The following LAMB4 variants were observed in gnomAD, a reference collection of about 807,000 sequenced individuals.
LAMB4 encodes the protein laminin subunit beta 4.
A neutral mutation model predicts 199.2 loss-of-function variants in LAMB4; 196 were observed. The observed-to-expected ratio is 0.98, with a 90% CI of 0.88 to 1.11. LAMB4 has a LOEUF of 1.11. Ranked by LOEUF, LAMB4 falls within the 50% of genes least tolerant of loss-of-function variation. The pLI, the probability that LAMB4 is intolerant of heterozygous loss-of-function variation, is 0.00. For missense variants in LAMB4, 2,080 were observed against 2,171.2 expected, an observed-to-expected ratio of 0.96 and a Z score of 0.83; for synonymous variants, 744 against 770.6, an observed-to-expected ratio of 0.97 and a Z score of 0.57.
intron 2 of LAMB4, 45 bp downstream of exon 2, chr7:108,123,086 T>C: frequency 6.5e-7 from 1 of 1,546,114 alleles, no homozygotes; most frequent in South Asian, 1.2e-5. Context: ...TTAAATATTT[T>C]AGGACAGCGC....
intron 11 of LAMB4, among the ~76,000 whole-genome samples, chr7:108,096,398 C>T (rs1003544290): frequency 2.6e-5 from 4 of 152,202 alleles, no homozygotes; most frequent in African/African-American, 9.7e-5. Context: ...TGTTTACCCA[C>T]TCATCCATCA....
intron 5 of LAMB4, among the ~76,000 whole-genome samples, chr7:108,108,204 T>C (rs998804409): frequency 6.6e-6 from 1 of 152,194 alleles, no homozygotes; most frequent in South Asian, 2.1e-4. Context: ...GCTGGGATTA[T>C]AGGTGTGAGT....
intron 28 of LAMB4, among the ~76,000 whole-genome samples, chr7:108,046,283 G>T (rs2035621476): frequency 6.7e-6 from 1 of 149,532 alleles, no homozygotes; most frequent in Admixed American, 6.7e-5. Flanking sequence ...TAGAGATGGG[G>T]TTTCACCATG....
At chr7:108,104,445 A>G (rs775562429) in intron 9 of LAMB4, 54 bp downstream of exon 9, 1 of 1,603,532 alleles carries the variant, frequency 6.2e-7, no homozygotes, top group Non-Finnish European at 8.5e-7. Flanking sequence ...GTGTTTCTTA[A>G]ATAAGGAAAT....
chr7:108,052,792 G>GT (rs1230180703), intron 25 of LAMB4, among the ~76,000 whole-genome samples: 2 of 152,198 alleles, frequency 1.3e-5, no homozygotes, highest in African/African-American at 4.8e-5. Context: ...GTTCCCCTGG[G>GT]TTTTTTTCCA....
chr7:108,028,039 C>T (rs1233514585), intron 33 of LAMB4, among the ~76,000 whole-genome samples: 1 of 152,230 alleles, frequency 6.6e-6, no homozygotes, highest in Non-Finnish European at 1.5e-5. Flanking sequence ...CTGCCTCAGC[C>T]TCCCAAAGTG....
intron 1 of LAMB4, among the ~76,000 whole-genome samples, chr7:108,127,376 CT>C (rs2038832006): frequency 6.6e-6 from 1 of 151,962 alleles, no homozygotes; most frequent in Admixed American, 6.6e-5. Context: ...TGAGGGTTAC[CT>C]TTGATTCCTC....
downstream of LAMB4, among the ~76,000 whole-genome samples, chr7:108,023,094 A>C (rs1016987921): frequency 6.6e-5 from 10 of 152,188 alleles, no homozygotes; most frequent in Non-Finnish European, 1.3e-4. Flanking sequence ...GATTATAGGC[A>C]TGAGTCACCA....
Position 108,024,197 on chromosome 7 carries a change from A to G in LAMB4, c.5147-19T>C, listed in dbSNP as rs974787433. 1 of 1,460,094 alleles carries G rather than the reference A, an allele frequency of 6.8e-7. No homozygotes were observed. The highest frequency in any genetic ancestry group is 1.4e-5 in the African/African-American group (1 of 70,740). 90.4% of individuals were successfully genotyped at this position (1,460,094 alleles called of 1,614,324 possible). On this transcript the variant is annotated intron_variant, in intron 33 of 33. Coordinates refer to ENST00000388781, the MANE Select transcript of LAMB4 (RefSeq NM_007356.3). ...TCTAAATCTGAAAGAAGAAAATGAA[A>G]GAAATGATATATTTCCATTTAATGG...
At chr7:108,071,126 CA>C (rs61582160) in intron 17 of LAMB4, among the ~76,000 whole-genome samples, 21,479 of 152,090 alleles carry the variant, frequency 0.14, 2,346 homozygotes, top group African/African-American at 0.31. Context: ...TAAATGTGCT[CA>C]AGTCTCTCCC....
At chr7:108,076,871 C>T (rs896796598) in intron 17 of LAMB4, 73 bp downstream of exon 17, 6 of 1,494,012 alleles carry the variant, frequency 4.0e-6, no homozygotes, top group Middle Eastern at 1.8e-4. Flanking sequence ...AAATATTTCA[C>T]TAGTGAGTTT....
At chr7:108,095,670 T>G (rs1026414317) in intron 11 of LAMB4, among the ~76,000 whole-genome samples, 4 of 152,168 alleles carry the variant, frequency 2.6e-5, no homozygotes, top group Non-Finnish European at 5.9e-5. Context: ...GGCAGGAGTT[T>G]CTGGGAGTCA....
intron 17 of LAMB4, among the ~76,000 whole-genome samples, chr7:108,071,071 C>T (rs1010504292): frequency 4.6e-5 from 7 of 152,130 alleles, no homozygotes; most frequent in African/African-American, 1.7e-4. Context: ...AACTCTTCTG[C>T]ATATTATGTT....
At chr7:108,073,260 C>T (rs1186612385) in intron 17 of LAMB4, among the ~76,000 whole-genome samples, 1 of 152,228 alleles carries the variant, frequency 6.6e-6, no homozygotes, top group East Asian at 1.9e-4. Context: ...CCCACCTCGG[C>T]CTCCCAAAGT....
rs34856038 is a variant in LAMB4 at position 108,079,775 on chromosome 7, C to T, written c.1713G>A (p.Thr571=). ...LQGLAPLGSE[T]FGQSPAVHVV... ...CGTGAACAGCAGGACTCTGGCCAAA[C>T]GTCTCCGAGCCCTAAAATGGGAGAG... is the stretch of plus-strand genomic sequence containing the variant. The change falls in exon 15 of 34, where the codon ACG becomes ACA. Residue 571 remains threonine, a synonymous_variant. Coordinates refer to ENST00000388781, the MANE Select transcript of LAMB4 (RefSeq NM_007356.3). 4.0e-3 allele frequency: 6,337 copies of T among 1,581,848 alleles called. 204 individuals carry two copies. The African/African-American group carries it at 0.073, about 18-fold the overall frequency.
intron 17 of LAMB4, among the ~76,000 whole-genome samples, chr7:108,075,340 A>C (rs982270874): frequency 2.6e-5 from 4 of 152,188 alleles, no homozygotes; most frequent in Non-Finnish European, 2.9e-5. Flanking sequence ...AGGATTTATA[A>C]CACCTTTGAT....
chr7:108,115,012 CA>C (rs371585762), intron 3 of LAMB4, among the ~76,000 whole-genome samples: 1 of 152,226 alleles, frequency 6.6e-6, no homozygotes, highest in African/African-American at 2.4e-5. Context: ...CAAAGTTCTA[CA>C]CCTCTTCCAT....
intron 19 of LAMB4, among the ~76,000 whole-genome samples, chr7:108,066,820 T>A (rs2036361734): frequency 1.3e-5 from 2 of 152,140 alleles, no homozygotes; most frequent in Admixed American, 1.3e-4. Flanking sequence ...TGGGTTTAAT[T>A]AACGTTTGTT....
At chr7:108,126,589 G>A (rs1227681084) in intron 1 of LAMB4, among the ~76,000 whole-genome samples, 2 of 108,168 alleles carry the variant, frequency 1.8e-5, no homozygotes, top group Admixed American at 1.3e-4. Flanking sequence ...ACGGAGTCTC[G>A]CTCTGTCGCC....
Sources: gnomAD v4.1 joint callset for allele counts (sites outside exome capture counted in the v4.1 genomes callset) on GRCh38, gnomAD v4.1.1 for gene constraint, MANE v1.5 for transcripts, NCBI Gene and HGNC (gene_info 2026-07-23, HGNC 2026-07-21) for gene names.